The following SAXO1 variants were observed in gnomAD, a reference collection of about 807,000 sequenced individuals.
The protein encoded by SAXO1 is 4930500O09Rik.
SAXO1 carries 21 observed loss-of-function variants against 17.5 expected under a neutral mutation model. The ratio of observed to expected loss-of-function variants is 1.20; its 90% CI spans 0.85 to 1.72. The LOEUF (loss-of-function observed/expected upper bound fraction) is 1.72. Among genes scored for constraint, SAXO1 ranks in the 40% most tolerant of loss-of-function variants. The pLI, the probability that SAXO1 is intolerant of heterozygous loss-of-function variation, is 0.00. For synonymous variants in SAXO1, 274 were observed against 216.5 expected (o/e 1.27, Z -2.33); for missense variants, 843 against 596.0 (o/e 1.41, Z -4.32).
intron 1 of SAXO1, among the ~76,000 whole-genome samples, chr9:18,991,567 G>A (rs866657756): frequency 1.9e-4 from 29 of 152,164 alleles, no homozygotes; most frequent in African/African-American, 4.6e-4. Flanking sequence ...GGCTTGTCGC[G>A]GAGTGGGGGA....
chr9:19,043,265 A>G (rs7025258), intron 1 of SAXO1, among the ~76,000 whole-genome samples: 128,272 of 152,168 alleles, frequency 0.84, 54,315 homozygotes, highest in African/African-American at 0.92. Flanking sequence ...GGAACTGGAG[A>G]TCATTATGTT....
At chr9:19,007,271 C>T (rs1242757317) in intron 1 of SAXO1, among the ~76,000 whole-genome samples, 4 of 151,892 alleles carry the variant, frequency 2.6e-5, no homozygotes, top group East Asian at 1.9e-4. Context: ...CGCTTGAACC[C>T]GGGAGGCAGA....
intron 1 of SAXO1, among the ~76,000 whole-genome samples, chr9:19,008,538 G>A (rs187972625): frequency 1.4e-3 from 220 of 152,276 alleles, no homozygotes; most frequent in African/African-American, 5.1e-3. Flanking sequence ...GGGGAGGAGA[G>A]AGGCTTGCCA....
At chr9:18,955,977 T>C (rs1228201257) in intron 1 of SAXO1, among the ~76,000 whole-genome samples, 1 of 151,972 alleles carries the variant, frequency 6.6e-6, no homozygotes, top group African/African-American at 2.4e-5. Flanking sequence ...ACCGACTTTG[T>C]CACCTAGACT....
At chr9:19,024,531 C>T (rs985178787) in intron 1 of SAXO1, among the ~76,000 whole-genome samples, 7 of 152,006 alleles carry the variant, frequency 4.6e-5, no homozygotes, top group Non-Finnish European at 8.8e-5. Flanking sequence ...CAACATGGCA[C>T]ATGTATAGAT....
chr9:19,015,742 T>C (rs758576877), intron 1 of SAXO1, among the ~76,000 whole-genome samples: 1 of 151,774 alleles, frequency 6.6e-6, no homozygotes, highest in Non-Finnish European at 1.5e-5. Context: ...GCCTCCCAAG[T>C]TGCTGGGATT....
In SAXO1 at chr9:18,938,825, T is replaced by TGTGTGTGCGTGC. The variant is rs1440324760; in HGVS notation, c.421+2811_421+2812insGCACGCACACAC. ...GGTGGGGTGCATGCGTGCGTGCGTG[T>TGTGTGTGCGTGC]GTGTGTGTGTGTGTGTGTGTGTGTG... On this transcript the variant is annotated intron_variant, in intron 3 of 3. Transcript: ENST00000380534. 4.8e-4 allele frequency among the ~76,000 whole-genome samples: 37 copies of TGTGTGTGCGTGC among 77,802 alleles called. 1 individual carries two copies. In the South Asian group the frequency reaches 0.012, roughly 25 times the overall value. The allele number at this position is 77,802 out of a possible 152,430, so 51.0% of individuals were successfully genotyped here. A position where few individuals can be genotyped will look rare whatever the true frequency, so the allele number is the denominator to read the frequency against.
At chr9:18,962,049 T>C (rs187181001) in intron 1 of SAXO1, among the ~76,000 whole-genome samples, 1 of 152,172 alleles carries the variant, frequency 6.6e-6, no homozygotes, top group East Asian at 1.9e-4. Context: ...TCTCATTGTG[T>C]GTGTACGGTT....
At chr9:19,004,571 A>G (rs1029476453) in intron 1 of SAXO1, among the ~76,000 whole-genome samples, 3 of 152,256 alleles carry the variant, frequency 2.0e-5, no homozygotes, top group African/African-American at 7.2e-5. Flanking sequence ...TTTCATGGAC[A>G]TGGATGAAGC....
intron 1 of SAXO1, among the ~76,000 whole-genome samples, chr9:18,977,381 T>C (rs1353868959): frequency 6.6e-6 from 1 of 152,208 alleles, no homozygotes; most frequent in East Asian, 1.9e-4. Flanking sequence ...TAATAGCTTT[T>C]GTGCTTATTA....
chr9:18,987,912 A>C (rs993248598), intron 1 of SAXO1, among the ~76,000 whole-genome samples: 1 of 148,754 alleles, frequency 6.7e-6, no homozygotes, highest in Admixed American at 6.8e-5. Context: ...AAAAAAAAGA[A>C]AAAAAGAAAA....
chr9:18,979,810 C>T (rs1002193950), intron 1 of SAXO1, among the ~76,000 whole-genome samples: 4 of 152,156 alleles, frequency 2.6e-5, no homozygotes, highest in South Asian at 4.1e-4. Context: ...CACTGCACTA[C>T]AGCCTGGGCA....
At chr9:18,987,955 T>TAATTG (rs1554676170) in intron 1 of SAXO1, among the ~76,000 whole-genome samples, 1 of 151,514 alleles carries the variant, frequency 6.6e-6, no homozygotes, top group Non-Finnish European at 1.5e-5. Flanking sequence ...TACATCTTCA[T>TAATTG]AACTGATGAC....
At chr9:18,967,627 G>A (rs1477547512) in intron 1 of SAXO1, among the ~76,000 whole-genome samples, 1 of 152,196 alleles carries the variant, frequency 6.6e-6, no homozygotes, top group Non-Finnish European at 1.5e-5. Flanking sequence ...GTCAACTTCA[G>A]ACTGCTGTGC....
chr9:19,026,963 G>A lies in SAXO1; in HGVS notation c.38+5908C>T. ...AGGTGCTCAACATGTCCACGGAGGA[G>A]ATCATCCAGCGCACATGGCTTCTGG... On this transcript the variant is annotated intron_variant, in intron 1 of 3. Coordinates refer to ENST00000380534, the MANE Select transcript of SAXO1 (RefSeq NM_153707.4). 3 of 899,750 alleles carry A rather than the reference G, an allele frequency of 3.3e-6. No individual in the cohort carries two copies. The Admixed American group carries it at 5.2e-5, about 16-fold the overall frequency. The allele number at this position is 899,750 out of a possible 1,614,324, so 55.7% of individuals were successfully genotyped here. A position where few individuals can be genotyped will look rare whatever the true frequency, so the allele number is the denominator to read the frequency against.
chr9:18,976,458 T>C (rs781728500), intron 1 of SAXO1, among the ~76,000 whole-genome samples: 8 of 152,276 alleles, frequency 5.3e-5, no homozygotes, highest in African/African-American at 1.7e-4. Context: ...CTTGGTAATA[T>C]GATTGAGAAA....
intron 1 of SAXO1, among the ~76,000 whole-genome samples, chr9:18,991,259 A>T (rs1357307581): frequency 6.6e-6 from 1 of 152,174 alleles, no homozygotes; most frequent in Non-Finnish European, 1.5e-5. Context: ...AGACTCACAC[A>T]TGCACACTTA....
chr9:19,033,844 T>C (rs1189720381), upstream of SAXO1, among the ~76,000 whole-genome samples: 3 of 152,134 alleles, frequency 2.0e-5, no homozygotes, highest in Non-Finnish European at 4.4e-5. Context: ...GGCCAAAGAC[T>C]TGCATTTCTT....
chr9:19,032,237 T>C (rs1345615744), intron 1 of SAXO1, among the ~76,000 whole-genome samples: 3 of 152,140 alleles, frequency 2.0e-5, no homozygotes, highest in Non-Finnish European at 4.4e-5. Context: ...TAAGAGATCA[T>C]GTGAGTGACA....
Sources: gnomAD v4.1 joint callset for allele counts (sites outside exome capture counted in the v4.1 genomes callset) on GRCh38, gnomAD v4.1.1 for gene constraint, MANE v1.5 for transcripts, NCBI Gene and HGNC (gene_info 2026-07-23, HGNC 2026-07-21) for gene names.